Variants in LOXHD1 observed in about 807,000 individuals in gnomAD.
The protein encoded by LOXHD1 is lipoxygenase homology domain-containing protein 1.
Under a neutral mutation model 248.2 loss-of-function variants are expected in LOXHD1, and 205 were observed. The observed-to-expected ratio is 0.83, with a 90% confidence interval of 0.74 to 0.93. The LOEUF is 0.93. Among genes scored for constraint, LOXHD1 ranks in the 40% least tolerant of loss-of-function variants. The pLI, the probability that LOXHD1 is intolerant of heterozygous loss-of-function variation, is 0.00. For synonymous variants in LOXHD1, 1,113 were observed against 1,162.8 expected (o/e 0.96, Z 0.87); for missense variants, 2,930 against 2,971.6 (o/e 0.99, Z 0.33).
At chr18:46,627,056 T>C (rs2038752677) in intron 4 of LOXHD1, among the ~76,000 whole-genome samples, 1 of 152,252 alleles carries the variant, frequency 6.6e-6, no homozygotes, top group Non-Finnish European at 1.5e-5. Context: ...TACTTTTGAA[T>C]TTTTACAATG....
chr18:46,596,834 T>C (rs972502449), intron 8 of LOXHD1, among the ~76,000 whole-genome samples: 1 of 152,192 alleles, frequency 6.6e-6, no homozygotes, highest in African/African-American at 2.4e-5. Context: ...AAACTCAATA[T>C]AGAATTCTGT....
Position 46,507,630 on chromosome 18 carries a change from G to C in LOXHD1, c.5600C>G (p.Thr1867Ser). The change falls in exon 36 of 41, where the codon ACC (threonine) becomes AGC (serine). Residue 1867 changes from threonine (T) to serine (S), a missense_variant. Physicochemically the swap from Thr to Ser is moderately conservative, Grantham distance 58. Coordinates refer to ENST00000642948, the MANE Select transcript of LOXHD1 (RefSeq NM_001384474.1). The stretch of plus-strand genomic sequence containing the variant: ...AACGGCACACATTTCACACACCAGG[G>C]TCTTCTTGCCCTTCCGCTGGGACAG... ...DWLSQRKGKK[T>S]LVCEMCAVID... 6.4e-7 allele frequency: 1 copy of C among 1,551,700 alleles called. No individual in the cohort carries two copies. Among genetic ancestry groups the C allele is most frequent in the Non-Finnish European group, 8.7e-7 (1 of 1,146,982 alleles).
intron 4 of LOXHD1, among the ~76,000 whole-genome samples, chr18:46,626,151 G>C (rs149300781): frequency 6.6e-6 from 1 of 152,298 alleles, no homozygotes; most frequent in Non-Finnish European, 1.5e-5. Context: ...TCACAGCATT[G>C]TTAATACTGA....
At chr18:46,519,042 G>A (rs974083336) in intron 33 of LOXHD1, 2 of 985,414 alleles carry the variant, frequency 2.0e-6, no homozygotes, top group African/African-American at 1.7e-5. Flanking sequence ...TCTTCCTGGT[G>A]TGCCTTCACC....
chr18:46,617,074 T>C (rs976391169), intron 5 of LOXHD1, among the ~76,000 whole-genome samples: 11 of 152,240 alleles, frequency 7.2e-5, no homozygotes, highest in African/African-American at 1.9e-4. Flanking sequence ...GTCTTGCAAA[T>C]GCTTTTGCCA....
chr18:46,604,395 C>T (rs2038383230), intron 6 of LOXHD1, among the ~76,000 whole-genome samples, 166 bp from the exon 7 acceptor site: 1 of 152,210 alleles, frequency 6.6e-6, no homozygotes, highest in Non-Finnish European at 1.5e-5. Context: ...GTCCAGGATA[C>T]CTGGTAAAGC....
chr18:46,648,491 C>T (rs1038679820), intron 2 of LOXHD1, among the ~76,000 whole-genome samples: 1 of 152,162 alleles, frequency 6.6e-6, no homozygotes, highest in African/African-American at 2.4e-5. Flanking sequence ...ACCAGCTGAA[C>T]AGACCACTCC....
chr18:46,524,546 A>G lies in LOXHD1; in HGVS notation c.4796T>C (p.Ile1599Thr). 1 of 1,551,652 alleles carries G rather than the reference A, an allele frequency of 6.4e-7. No individual in the cohort carries two copies. The highest frequency in any genetic ancestry group is 8.7e-7 in the Non-Finnish European group (1 of 1,147,002). ...ATCGGCCATCTTGGAGCTCAGGGCGATCTCCCAGAAGTCAGCAGGGCTGCT... is the reference window on the plus strand; with the variant it reads ...ATCGGCCATCTTGGAGCTCAGGGCGGTCTCCCAGAAGTCAGCAGGGCTGCT... ...NCSSPADFWEIALSSKMADVD... is the reference protein window; with the variant it reads ...NCSSPADFWETALSSKMADVD... The change falls in exon 31 of 41, where the codon ATC becomes ACC. Residue 1599 changes from isoleucine (I) to threonine (T), a missense_variant. Physicochemically the swap from Ile to Thr is moderately conservative, Grantham distance 89. Coordinates refer to ENST00000642948, the MANE Select transcript of LOXHD1 (RefSeq NM_001384474.1).
intron 35 of LOXHD1, among the ~76,000 whole-genome samples, chr18:46,508,202 C>T (rs1003605567): frequency 1.3e-5 from 2 of 152,064 alleles, no homozygotes; most frequent in African/African-American, 2.4e-5. Context: ...CTCTGGTAGA[C>T]GAGGTTGCAT....
chr18:46,570,279 C>G (rs2037727064), intron 15 of LOXHD1, among the ~76,000 whole-genome samples: 1 of 152,186 alleles, frequency 6.6e-6, no homozygotes. Context: ...GACAAAAACA[C>G]CCGAGGAAAA....
intron 40 of LOXHD1, among the ~76,000 whole-genome samples, chr18:46,480,880 G>A (rs1227640234): frequency 1.3e-5 from 2 of 152,112 alleles, no homozygotes; most frequent in Non-Finnish European, 2.9e-5. Flanking sequence ...TTATGGTTGT[G>A]TATTAGATAT....
intron 2 of LOXHD1, among the ~76,000 whole-genome samples, chr18:46,643,836 C>A (rs1449410470): frequency 6.6e-6 from 1 of 151,956 alleles, no homozygotes; most frequent in Non-Finnish European, 1.5e-5. Flanking sequence ...CATTAAAAAT[C>A]CTATTGTAAA....
intron 33 of LOXHD1, chr18:46,519,014 G>A (rs1598900864): frequency 2.0e-6 from 2 of 985,376 alleles, no homozygotes; most frequent in Non-Finnish European, 2.4e-6. Flanking sequence ...CTCCACTGGA[G>A]GGTGAGGCGC....
At chr18:46,525,003 C>T in intron 29 of LOXHD1, 86 bp from the exon 30 acceptor site, 1 of 1,439,056 alleles carries the variant, frequency 6.9e-7, no homozygotes, top group Non-Finnish European at 9.5e-7. Context: ...ACCTTCCTTC[C>T]CCCTCAGTTG....
At chr18:46,631,774 C>T (rs1048573688) in intron 4 of LOXHD1, among the ~76,000 whole-genome samples, 3 of 152,216 alleles carry the variant, frequency 2.0e-5, no homozygotes, top group African/African-American at 7.2e-5. Flanking sequence ...CCACTGGGTC[C>T]TTGCAGGGCT....
chr18:46,487,594 G>A (rs2033154192), intron 38 of LOXHD1, among the ~76,000 whole-genome samples: 1 of 152,226 alleles, frequency 6.6e-6, no homozygotes, highest in East Asian at 1.9e-4. Flanking sequence ...TGCCCAATCA[G>A]AATCCTCCCC....
At chr18:46,516,720 C>G (rs1447024175) in intron 34 of LOXHD1, among the ~76,000 whole-genome samples, 1 of 151,954 alleles carries the variant, frequency 6.6e-6, no homozygotes, top group Non-Finnish European at 1.5e-5. Context: ...CTGCCCTCAT[C>G]ATCATAATCA....
In LOXHD1 at chr18:46,639,824, A is replaced by G. The variant is rs768161682; in HGVS notation, c.327-24T>C. ...TCCTGAGGCAGAAGCCAAGGCCCAC[A>G]CCATCACTGGCAGAACTGAAACAGC... On this transcript the variant is annotated intron_variant, in intron 3 of 40. Transcript: ENST00000642948. The G allele has an allele frequency of 3.2e-5, 50 of 1,551,526 alleles. No homozygotes were observed. In the South Asian group the frequency reaches 5.0e-4, roughly 16 times the overall value.
At position 46,625,495 on chromosome 18, in the gene LOXHD1, T is replaced by TAAA. The variant is rs10692200; in HGVS notation, c.512-7208_512-7206dup. On this transcript the variant is annotated intron_variant, in intron 4 of 40. Coordinates refer to ENST00000642948, the MANE Select transcript of LOXHD1 (RefSeq NM_001384474.1). ...TTAACACTAGCGATAGCTGATGAGC[T>TAAA]AAAAAAAAAAAAAAATTGCAAAAAA... Among the ~76,000 whole-genome samples, 406 of 141,600 alleles carry TAAA rather than the reference T, an allele frequency of 2.9e-3. 1 individual carries two copies. Among genetic ancestry groups the TAAA allele is most frequent in the African/African-American group, 8.6e-3 (333 of 38,726 alleles). 92.9% of individuals were successfully genotyped at this position (141,600 alleles called of 152,430 possible). A position where few individuals can be genotyped will look rare whatever the true frequency, so the allele number is the denominator to read the frequency against.
Sources: gnomAD v4.1 joint callset for allele counts (sites outside exome capture counted in the v4.1 genomes callset) on GRCh38, gnomAD v4.1.1 for gene constraint, MANE v1.5 for transcripts, NCBI Gene and HGNC (gene_info 2026-07-23, HGNC 2026-07-21) for gene names.